The following RBFOX1 variants were observed in gnomAD, a reference collection of about 807,000 sequenced individuals.
RBFOX1 encodes the protein RNA binding protein fox-1 homolog 1.
In RBFOX1, 8 loss-of-function variants were observed where a neutral mutation model predicts 57.7. That is an observed-to-expected ratio of 0.14 (90% CI 0.08 to 0.25). RBFOX1 has a LOEUF of 0.25. Among genes scored for constraint, RBFOX1 ranks in the 10% least tolerant of loss-of-function variants. RBFOX1 has a pLI of 1.00. For missense variants in RBFOX1, 611 were observed against 548.5 expected (o/e 1.11, Z -1.14); for synonymous variants, 326 against 222.4 (o/e 1.47, Z -4.15).
intron 2 of RBFOX1, among the ~76,000 whole-genome samples, chr16:6,326,501 A>G (rs1470347415): frequency 6.6e-6 from 1 of 152,078 alleles, no homozygotes; most frequent in African/African-American, 2.4e-5. Context: ...TCTTTGTCCC[A>G]GCCCAGGTTT....
intron 2 of RBFOX1, among the ~76,000 whole-genome samples, chr16:6,512,701 T>C (rs1449069578): frequency 6.6e-6 from 1 of 152,222 alleles, no homozygotes; most frequent in Non-Finnish European, 1.5e-5. Flanking sequence ...GGACCCTTGC[T>C]GTCTTGTGTT....
intron 4 of RBFOX1, among the ~76,000 whole-genome samples, chr16:7,064,230 G>C (rs538535084): frequency 2.7e-5 from 4 of 145,836 alleles, no homozygotes; most frequent in African/African-American, 1.0e-4. Flanking sequence ...GTGCAGTGGC[G>C]TGATCTCTGC....
At chr16:7,644,702 C>A (rs1484036002) in intron 11 of RBFOX1, among the ~76,000 whole-genome samples, 3 of 152,204 alleles carry the variant, frequency 2.0e-5, no homozygotes, top group African/African-American at 7.2e-5. Context: ...AACATAGAGT[C>A]CTCAGGACAT....
At chr16:7,008,718 T>C (rs868485081) in intron 3 of RBFOX1, among the ~76,000 whole-genome samples, 1 of 1,642 alleles carries the variant, frequency 6.1e-4, no homozygotes, top group East Asian at 0.25. Context: ...CTCCCTCCCT[T>C]CCTCCCTCCC....
At chr16:6,814,182 T>A (rs1371408717) in intron 3 of RBFOX1, among the ~76,000 whole-genome samples, 1 of 149,282 alleles carries the variant, frequency 6.7e-6, no homozygotes, top group Admixed American at 6.9e-5. Flanking sequence ...GAGATCTCAT[T>A]GCATGATCAA....
chr16:5,859,471 C>T (rs1193925506), intron 3 of RBFOX1, among the ~76,000 whole-genome samples: 3 of 152,190 alleles, frequency 2.0e-5, no homozygotes, highest in African/African-American at 7.2e-5. Context: ...AGGTAACTTT[C>T]CCATGGTAGA....
At chr16:6,229,325 G>C (rs60553464) in intron 1 of RBFOX1, among the ~76,000 whole-genome samples, 29,236 of 152,170 alleles carry the variant, frequency 0.19, 3,502 homozygotes, top group East Asian at 0.41. Context: ...TTCTAAACCA[G>C]TTCCTCTGCA....
At chr16:7,189,485 C>T (rs565291558) in intron 4 of RBFOX1, among the ~76,000 whole-genome samples, 106 of 150,044 alleles carry the variant, frequency 7.1e-4, no homozygotes, top group African/African-American at 1.9e-3. Context: ...TAGGGAGACC[C>T]ACACTGATTC....
chr16:7,461,207 C>G (rs1205884752), intron 4 of RBFOX1, among the ~76,000 whole-genome samples: 3 of 151,626 alleles, frequency 2.0e-5, no homozygotes, highest in African/African-American at 7.3e-5. Flanking sequence ...CTCACCCTGT[C>G]CCCAGGCTGG....
chr16:7,605,586 G>C (rs969595554), intron 9 of RBFOX1, among the ~76,000 whole-genome samples: 1 of 152,186 alleles, frequency 6.6e-6, no homozygotes, highest in South Asian at 2.1e-4. Context: ...TGTCTGTTGA[G>C]TTAGTGAGCC....
chr16:7,537,767 AC>A, intron 5 of RBFOX1, among the ~76,000 whole-genome samples: 1 of 152,004 alleles, frequency 6.6e-6, no homozygotes, highest in East Asian at 1.9e-4. Context: ...GACTAAGCAA[AC>A]CCCGCCTCCA....
intron 3 of RBFOX1, among the ~76,000 whole-genome samples, chr16:6,661,199 C>T (rs1012670737): frequency 3.3e-5 from 5 of 152,140 alleles, no homozygotes; most frequent in African/African-American, 9.7e-5. Context: ...AAATGAAGCA[C>T]ACATGCAGAA....
chr16:5,654,857 TC>T (rs1397700501), intron 3 of RBFOX1, among the ~76,000 whole-genome samples: 2 of 151,800 alleles, frequency 1.3e-5, no homozygotes, highest in Non-Finnish European at 2.9e-5. Flanking sequence ...TCCATTGTAT[TC>T]CCCCCTTTAT....
At chr16:5,254,969 TGGAG>T (rs1301611508) in intron 1 of RBFOX1, among the ~76,000 whole-genome samples, 2 of 152,182 alleles carry the variant, frequency 1.3e-5, no homozygotes, top group Admixed American at 1.3e-4. Flanking sequence ...CTCAATGTGA[TGGAG>T]GGATTAAGGA....
intron 4 of RBFOX1, among the ~76,000 whole-genome samples, chr16:7,454,036 C>G (rs1173933268): frequency 6.6e-6 from 1 of 152,176 alleles, no homozygotes; most frequent in Non-Finnish European, 1.5e-5. Flanking sequence ...AGTTCCAGAC[C>G]AGCCTCACCA....
intron 2 of RBFOX1, among the ~76,000 whole-genome samples, chr16:6,541,858 C>T (rs2096824745): frequency 6.6e-6 from 1 of 152,100 alleles, no homozygotes; most frequent in Admixed American, 6.6e-5. Flanking sequence ...GCTTGAGCAT[C>T]TGAACAGATT....
At chr16:7,194,701 G>A (rs1304196378) in intron 4 of RBFOX1, among the ~76,000 whole-genome samples, 1 of 152,090 alleles carries the variant, frequency 6.6e-6, no homozygotes, top group Non-Finnish European at 1.5e-5. Flanking sequence ...GTTGAGGTGG[G>A]TGGATTGCCT....
At chr16:5,580,905 A>T (rs2046643213) in intron 2 of RBFOX1, among the ~76,000 whole-genome samples, 1 of 152,172 alleles carries the variant, frequency 6.6e-6, no homozygotes, top group Admixed American at 6.5e-5. Flanking sequence ...GGTCCTTCCC[A>T]GTCATTCTAT....
At chr16:7,376,986 G>A (rs893473834) in intron 4 of RBFOX1, among the ~76,000 whole-genome samples, 2 of 152,152 alleles carry the variant, frequency 1.3e-5, no homozygotes, top group Non-Finnish European at 2.9e-5. Flanking sequence ...TAAGTGTCAG[G>A]TGGTTGCTTG....
Sources: allele counts gnomAD v4.1 joint callset (sites outside exome capture counted in the v4.1 genomes callset), GRCh38; gene constraint gnomAD v4.1.1; transcripts MANE v1.5; gene names NCBI Gene and HGNC (gene_info 2026-07-23, HGNC 2026-07-21).